CLSTN2: variants seen among roughly 807,000 people sequenced by gnomAD.
CLSTN2 encodes the protein calsyntenin 2, also known as calsyntenin-2.
In CLSTN2, 48 loss-of-function variants were observed where a neutral mutation model predicts 101.2. The observed-to-expected ratio is 0.47, with a 90% CI of 0.38 to 0.60. CLSTN2 has a LOEUF of 0.60. Among genes scored for constraint, CLSTN2 ranks in the 20% least tolerant of loss-of-function variants. The pLI, the probability that CLSTN2 is intolerant of heterozygous loss-of-function variation, is 0.00. For synonymous variants in CLSTN2, 481 were observed against 463.6 expected (o/e 1.04, Z -0.48); for missense variants, 1,160 against 1,238.2 (o/e 0.94, Z 0.95).
At chr3:140,033,698 G>C (rs949423375) in intron 1 of CLSTN2, among the ~76,000 whole-genome samples, 6 of 152,210 alleles carry the variant, frequency 3.9e-5, no homozygotes, top group Non-Finnish European at 5.9e-5. Flanking sequence ...CTGGCTCTCA[G>C]GGAGGCTAGG....
intron 2 of CLSTN2, among the ~76,000 whole-genome samples, chr3:140,311,227 G>A (rs2087163775): frequency 7.0e-6 from 1 of 142,936 alleles, no homozygotes; most frequent in Non-Finnish European, 1.5e-5. Context: ...CTGTTTGAAC[G>A]AATAGATGAT....
intron 2 of CLSTN2, among the ~76,000 whole-genome samples, chr3:140,378,332 C>T (rs990542035): frequency 2.6e-5 from 4 of 152,216 alleles, no homozygotes; most frequent in Non-Finnish European, 4.4e-5. Flanking sequence ...GATGAATAAA[C>T]TGCAAAGCCA....
chr3:140,508,827 T>C (rs1314571698), intron 8 of CLSTN2: 1 of 152,158 alleles, frequency 6.6e-6, no homozygotes, highest in Admixed American at 6.5e-5. Flanking sequence ...CCTAGATGAA[T>C]TCTGTGGCAT....
intron 1 of CLSTN2, among the ~76,000 whole-genome samples, chr3:140,010,714 C>T (rs949843357): frequency 1.2e-4 from 18 of 152,190 alleles, no homozygotes; most frequent in African/African-American, 4.3e-4. Context: ...ATCCACTGCA[C>T]TCCCCAACTG....
At chr3:140,298,216 G>A (rs2087021849) in intron 2 of CLSTN2, among the ~76,000 whole-genome samples, 1 of 152,126 alleles carries the variant, frequency 6.6e-6, no homozygotes, top group Admixed American at 6.5e-5. Flanking sequence ...TGTGATTTTG[G>A]CCAAATCACT....
intron 2 of CLSTN2, among the ~76,000 whole-genome samples, chr3:140,348,792 G>A (rs143410189): frequency 1.6e-4 from 24 of 152,208 alleles, no homozygotes; most frequent in Non-Finnish European, 2.8e-4. Flanking sequence ...TTCCTTCCCC[G>A]AAGGTTCCAC....
intron 2 of CLSTN2, among the ~76,000 whole-genome samples, chr3:140,335,969 C>G (rs1402003448): frequency 6.6e-6 from 1 of 152,182 alleles, no homozygotes; most frequent in Non-Finnish European, 1.5e-5. Context: ...CCAAGCCACA[C>G]CAAGTCTAGG....
intron 1 of CLSTN2, among the ~76,000 whole-genome samples, chr3:140,137,873 G>GT (rs2009638743): frequency 3.3e-5 from 5 of 152,148 alleles, no homozygotes; most frequent in Admixed American, 2.0e-4. Context: ...CAGCATCAGG[G>GT]TTTGAATTTA....
chr3:140,429,446 G>A (rs537195983), intron 5 of CLSTN2, among the ~76,000 whole-genome samples: 1 of 152,130 alleles, frequency 6.6e-6, no homozygotes, highest in Non-Finnish European at 1.5e-5. Context: ...ACAGAGAGGA[G>A]GGGGTATTCC....
intron 1 of CLSTN2, among the ~76,000 whole-genome samples, chr3:140,104,184 T>G (rs565856554): frequency 1.3e-5 from 2 of 152,328 alleles, no homozygotes; most frequent in African/African-American, 2.4e-5. Flanking sequence ...TAATAAAGAT[T>G]GAGTTGCACC....
At chr3:140,178,782 A>C (rs1268761091) in intron 2 of CLSTN2, among the ~76,000 whole-genome samples, 1 of 152,218 alleles carries the variant, frequency 6.6e-6, no homozygotes, top group Admixed American at 6.5e-5. Context: ...TGAAAAATTC[A>C]TATCTGCCAA....
At chr3:140,125,928 G>A (rs921254765) in intron 1 of CLSTN2, among the ~76,000 whole-genome samples, 6 of 152,288 alleles carry the variant, frequency 3.9e-5, no homozygotes, top group Middle Eastern at 3.4e-3. Flanking sequence ...TGACAGGAAG[G>A]AAGTGAAAGT....
intron 8 of CLSTN2, among the ~76,000 whole-genome samples, chr3:140,503,449 A>G (rs753640480): frequency 1.3e-5 from 2 of 152,220 alleles, no homozygotes; most frequent in Non-Finnish European, 2.9e-5. Context: ...CCTAGGAGCA[A>G]TAGGCTGTAC....
At chr3:140,171,752 G>GTATAATATATAATATATAATATGTATTA (rs1366274813) in intron 1 of CLSTN2, among the ~76,000 whole-genome samples, 23 of 94,514 alleles carry the variant, frequency 2.4e-4, no homozygotes, top group South Asian at 5.2e-4. Context: ...TATATAATAT[G>GTATAATATATAATATATAATATGTATTA]TATAATATAT....
At chr3:140,158,950 A>G (rs2010002592) in intron 1 of CLSTN2, among the ~76,000 whole-genome samples, 1 of 152,196 alleles carries the variant, frequency 6.6e-6, no homozygotes, top group Non-Finnish European at 1.5e-5. Context: ...TATTCAATAA[A>G]TGATGCTGGG....
intron 2 of CLSTN2, among the ~76,000 whole-genome samples, chr3:140,320,800 A>G (rs2087276734): frequency 6.6e-6 from 1 of 152,206 alleles, no homozygotes; most frequent in Non-Finnish European, 1.5e-5. Context: ...GGATGCAACT[A>G]CAGCCTCAAG....
At chr3:140,500,066 C>CAA (rs147385527) in intron 8 of CLSTN2, among the ~76,000 whole-genome samples, 4 of 128,334 alleles carry the variant, frequency 3.1e-5, no homozygotes, top group African/African-American at 1.2e-4. Flanking sequence ...GACTCCGTCT[C>CAA]AAAAAAAAAA....
chr3:140,112,362 TGTG>T lies in CLSTN2; in HGVS notation c.110-63588_110-63586del, dbSNP rs1242145209. On this transcript the variant is annotated intron_variant, in intron 1 of 16. Coordinates refer to ENST00000458420, the MANE Select transcript of CLSTN2 (RefSeq NM_022131.3). ...AGCAAATATTAAAAGTGTGTGTGTG[TGTG>T]TGTGTTTTTTACTACACTCCAAATA... Among the ~76,000 whole-genome samples, 8 of 130,820 alleles carry T rather than the reference TGTG, an allele frequency of 6.1e-5. No individual in the cohort carries two copies. In the South Asian group the frequency reaches 8.9e-4, roughly 15 times the overall value. The allele number at this position is 130,820 out of a possible 152,430, so 85.8% of individuals were successfully genotyped here.
At position 140,382,349 on chromosome 3, in the gene CLSTN2, T is replaced by C. The variant is rs538458422; in HGVS notation, c.233-21280T>C. 2.0e-5 allele frequency among the ~76,000 whole-genome samples: 3 copies of C among 152,338 alleles called. No homozygotes were observed. In the East Asian group the frequency reaches 5.8e-4, roughly 29 times the overall value. ...TCACAGAGTGGGTGCTGGACTGTTA[T>C]GTGAATATCCTGTGAAGGGAAACAG... On this transcript the variant is annotated intron_variant, in intron 2 of 16. Coordinates refer to ENST00000458420, the MANE Select transcript of CLSTN2 (RefSeq NM_022131.3).
Sources: gnomAD v4.1 joint callset for allele counts (sites outside exome capture counted in the v4.1 genomes callset) on GRCh38, gnomAD v4.1.1 for gene constraint, MANE v1.5 for transcripts, NCBI Gene and HGNC (gene_info 2026-07-23, HGNC 2026-07-21) for gene names.